The following NTM variants were observed in gnomAD, a reference collection of about 807,000 sequenced individuals.
The protein encoded by NTM is IgLON family member 2.
Under a neutral mutation model 42.1 loss-of-function variants are expected in NTM, and 13 were observed. That is an observed-to-expected ratio of 0.31 (90% confidence interval 0.20 to 0.49). The LOEUF is 0.49. NTM is among the 20% of genes least tolerant of loss of function. The probability of loss-of-function intolerance (pLI) is 0.99; values close to 1 mark genes in which losing one functional copy is unlikely to be tolerated. For missense variants in NTM, 373 were observed against 452.8 expected (o/e 0.82, Z 1.60); for synonymous variants, 187 against 179.2 (o/e 1.04, Z -0.35).
intron 1 of NTM, among the ~76,000 whole-genome samples, chr11:131,455,289 C>CTAA (rs1950788423): frequency 1.3e-5 from 2 of 152,130 alleles, no homozygotes; most frequent in Admixed American, 1.3e-4. Context: ...GAGTAGACGG[C>CTAA]CCAAGCGGAG....
chr11:132,001,273 A>G (rs2069172844), intron 2 of NTM, among the ~76,000 whole-genome samples: 1 of 152,238 alleles, frequency 6.6e-6, no homozygotes, highest in Non-Finnish European at 1.5e-5. Context: ...TGATGCAAAG[A>G]TGGTATCTTA....
chr11:131,590,157 A>G (rs2458787), intron 1 of NTM, among the ~76,000 whole-genome samples: 84,002 of 151,968 alleles, frequency 0.55, 23,540 homozygotes, highest in African/African-American at 0.64. Flanking sequence ...TCATGGAGAC[A>G]GGGAGAACCT....
chr11:132,141,569 A>C (rs2069159629), intron 2 of NTM, among the ~76,000 whole-genome samples: 1 of 152,172 alleles, frequency 6.6e-6, no homozygotes, highest in African/African-American at 2.4e-5. Flanking sequence ...CCCATGCATG[A>C]GTGAGCATGT....
chr11:131,933,215 C>T (rs989191148), intron 2 of NTM, among the ~76,000 whole-genome samples: 1 of 152,224 alleles, frequency 6.6e-6, no homozygotes, highest in African/African-American at 2.4e-5. Context: ...GCTCCTGGTC[C>T]TGGGACTGTC....
chr11:132,287,025 T>C (rs2094267611), intron 4 of NTM, among the ~76,000 whole-genome samples: 1 of 152,182 alleles, frequency 6.6e-6, no homozygotes, highest in African/African-American at 2.4e-5. Context: ...CTCCTTTAAA[T>C]TCCTCCTTAG....
rs1355666010 is a variant in NTM, at chr11:131,789,446, A to G, written c.83-122118A>G. ...AAGAAGAAGGAAGAAGAAGAAGAAG[A>G]AGAAGAAGAAGAAGAAGAAGAAGAA... is the stretch of plus-strand genomic sequence containing the variant. On this transcript the variant is annotated intron_variant, in intron 1 of 8. Transcript: ENST00000683400. Among the ~76,000 whole-genome samples the G allele has an allele frequency of 7.6e-3, 82 of 10,826 alleles. 22 individuals are homozygous for G. Among genetic ancestry groups the G allele is most frequent in the African/African-American group, 0.028 (79 of 2,804 alleles). The allele number at this position is 10,826 out of a possible 152,430, so 7.1% of individuals were successfully genotyped here.
chr11:131,570,521 TATA>T (rs1327895086), intron 1 of NTM, among the ~76,000 whole-genome samples: 1 of 152,204 alleles, frequency 6.6e-6, no homozygotes, highest in African/African-American at 2.4e-5. Context: ...CAGTGCAGGC[TATA>T]ATAATAATTC....
rs1491533561 is a variant in NTM at position 131,789,485 on chromosome 11, AAG to A, written c.83-122077_83-122076del. On this transcript the variant is annotated intron_variant, in intron 1 of 8. Coordinates refer to ENST00000683400, the MANE Select transcript of NTM (RefSeq NM_001352005.2). Reference sequence around the variant, plus strand: ...GAAGAAGAAGAAGAAGAAGAAGAAGAAGAAGAGGAAAGAAGAAGAAGAAGAAG... The same window carrying A: ...GAAGAAGAAGAAGAAGAAGAAGAAGAAAGAGGAAAGAAGAAGAAGAAGAAG... 1.3e-3 allele frequency among the ~76,000 whole-genome samples: 13 copies of A among 10,074 alleles called. 4 individuals carry two copies. Among genetic ancestry groups the A allele is most frequent in the East Asian group, 4.5e-3 (2 of 448 alleles). 6.6% of individuals were successfully genotyped at this position (10,074 alleles called of 152,430 possible).
chr11:131,787,288 G>A (rs2136064973), intron 1 of NTM, among the ~76,000 whole-genome samples: 1 of 150,080 alleles, frequency 6.7e-6, no homozygotes. Context: ...ATATATTTGT[G>A]CCTATACACA....
intron 1 of NTM, chr11:131,534,781 A>C (rs1299122298): frequency 6.6e-6 from 1 of 152,138 alleles, no homozygotes; most frequent in Non-Finnish European, 1.5e-5. Context: ...CCTCTTCAGG[A>C]AGGGGGATGT....
chr11:131,695,659 T>G (rs2075357196), intron 1 of NTM, among the ~76,000 whole-genome samples: 1 of 152,152 alleles, frequency 6.6e-6, no homozygotes, highest in African/African-American at 2.4e-5. Flanking sequence ...AGGAGCAACT[T>G]CACCGGCATG....
intron 4 of NTM, among the ~76,000 whole-genome samples, chr11:132,303,729 A>G (rs934732483): frequency 2.9e-4 from 42 of 145,898 alleles, no homozygotes; most frequent in African/African-American, 1.0e-3. Context: ...AAAAAAAAAA[A>G]AACAATCTGT....
At chr11:131,451,830 G>A (rs993376678) in intron 1 of NTM, among the ~76,000 whole-genome samples, 2 of 152,162 alleles carry the variant, frequency 1.3e-5, no homozygotes, top group Admixed American at 1.3e-4. Context: ...GATGTGAGGA[G>A]GAGCACACAC....
At chr11:131,458,551 A>G (rs1486665808) in intron 1 of NTM, among the ~76,000 whole-genome samples, 1 of 152,144 alleles carries the variant, frequency 6.6e-6, no homozygotes, top group Non-Finnish European at 1.5e-5. Context: ...TTCTCCTTCT[A>G]ACACCCAGCA....
At chr11:131,651,735 G>A (rs2066505058) in intron 1 of NTM, among the ~76,000 whole-genome samples, 1 of 152,140 alleles carries the variant, frequency 6.6e-6, no homozygotes, top group Admixed American at 6.5e-5. Context: ...CAGCTACTTG[G>A]GAGGCTGAGG....
chr11:131,773,483 G>T (rs1031755815), intron 1 of NTM, among the ~76,000 whole-genome samples: 2 of 152,202 alleles, frequency 1.3e-5, no homozygotes, highest in African/African-American at 4.8e-5. Flanking sequence ...CGTGGGTAAA[G>T]AAGTGAAGTG....
At chr11:131,634,112 A>C (rs1004579158) in intron 1 of NTM, among the ~76,000 whole-genome samples, 6 of 152,186 alleles carry the variant, frequency 3.9e-5, no homozygotes, top group African/African-American at 1.4e-4. Context: ...CATACTGGGT[A>C]AACAGGAGTG....
At chr11:131,852,338 A>G (rs2045647975) in intron 1 of NTM, among the ~76,000 whole-genome samples, 1 of 152,256 alleles carries the variant, frequency 6.6e-6, no homozygotes, top group South Asian at 2.1e-4. Context: ...CTTTCTGAAC[A>G]TAGTGAACAT....
At chr11:131,456,108 C>T (rs1379111064) in intron 1 of NTM, among the ~76,000 whole-genome samples, 2 of 152,196 alleles carry the variant, frequency 1.3e-5, no homozygotes, top group East Asian at 3.9e-4. Context: ...TAAATAACTA[C>T]TAGCTTAGCG....
Sources: allele counts gnomAD v4.1 joint callset (sites outside exome capture counted in the v4.1 genomes callset), GRCh38; gene constraint gnomAD v4.1.1; transcripts MANE v1.5; gene names NCBI Gene and HGNC (gene_info 2026-07-23, HGNC 2026-07-21).